The following ZMIZ1 variants were observed in gnomAD, a reference collection of about 807,000 sequenced individuals.
The protein encoded by ZMIZ1 is zinc finger MIZ domain-containing protein 1.
ZMIZ1 carries 17 observed loss-of-function variants against 113.9 expected under a neutral mutation model. That is an observed-to-expected ratio of 0.15 (90% CI 0.10 to 0.22). ZMIZ1 has a LOEUF of 0.22. ZMIZ1 is among the 10% of genes least tolerant of loss of function. ZMIZ1 has a pLI of 1.00. For synonymous variants in ZMIZ1, 607 were observed against 603.1 expected, an observed-to-expected ratio of 1.01 and a Z score of -0.09; for missense variants, 1,059 against 1,477.8, an observed-to-expected ratio of 0.72 and a Z score of 4.65.
chr10:79,260,167 C>T (rs1713752844), intron 7 of ZMIZ1, among the ~76,000 whole-genome samples: 1 of 152,238 alleles, frequency 6.6e-6, no homozygotes, highest in Non-Finnish European at 1.5e-5. Context: ...ACCTGCAGTG[C>T]CCTGCCTTCC....
At chr10:79,091,680 T>C (rs1842987000) in intron 1 of ZMIZ1, among the ~76,000 whole-genome samples, 1 of 151,988 alleles carries the variant, frequency 6.6e-6, no homozygotes, top group African/African-American at 2.4e-5. Context: ...TTCTGGGCGG[T>C]GGAACCGGCA....
chr10:79,277,727 G>GA (rs1852390224), intron 8 of ZMIZ1, among the ~76,000 whole-genome samples: 1 of 152,188 alleles, frequency 6.6e-6, no homozygotes, highest in Non-Finnish European at 1.5e-5. Flanking sequence ...AGCCACCCTG[G>GA]AGCCAAGTAA....
At chr10:79,198,456 G>A (rs1021825203) in intron 4 of ZMIZ1, among the ~76,000 whole-genome samples, 2 of 151,930 alleles carry the variant, frequency 1.3e-5, no homozygotes, top group African/African-American at 2.4e-5. Flanking sequence ...CAGGTATTTC[G>A]ATAGATAAAT....
chr10:79,103,290 A>T (rs1292847758), intron 1 of ZMIZ1, among the ~76,000 whole-genome samples: 7 of 150,512 alleles, frequency 4.7e-5, no homozygotes, highest in Non-Finnish European at 8.9e-5. Flanking sequence ...GGCCGTGGGG[A>T]TGCCTGGGGT....
chr10:79,240,318 A>T (rs1481472971), intron 7 of ZMIZ1, among the ~76,000 whole-genome samples: 5 of 152,148 alleles, frequency 3.3e-5, no homozygotes, highest in Admixed American at 3.3e-4. Flanking sequence ...TTTGCTGTAG[A>T]TCCTTATCAA....
At position 79,220,154 on chromosome 10, in the gene ZMIZ1, T is replaced by A. The variant is rs148015400; in HGVS notation, c.280+3880T>A. Among the ~76,000 whole-genome samples, 549 of 152,292 alleles carry A rather than the reference T, an allele frequency of 3.6e-3. 6 individuals are homozygous for A. The highest frequency in any genetic ancestry group is 0.012 in the African/African-American group (516 of 41,564). The stretch of plus-strand genomic sequence containing the variant: ...CTGTGGCCTCGTCTGTGAAGAGAGC[T>A]GATTTGCCCACCTCATGGGCTGCCT... On this transcript the variant is annotated intron_variant, in intron 7 of 24. Coordinates refer to ENST00000334512, the MANE Select transcript of ZMIZ1 (RefSeq NM_020338.4).
intron 23 of ZMIZ1, among the ~76,000 whole-genome samples, chr10:79,310,606 C>T (rs1227020254): frequency 5.3e-5 from 8 of 151,984 alleles, no homozygotes; most frequent in African/African-American, 1.7e-4. Flanking sequence ...GTTGTCTGGG[C>T]GGGGAGGTGG....
intron 7 of ZMIZ1, among the ~76,000 whole-genome samples, chr10:79,230,406 A>G (rs1849349027): frequency 6.6e-6 from 1 of 152,126 alleles, no homozygotes; most frequent in South Asian, 2.1e-4. Flanking sequence ...GCTGTTGTTT[A>G]GCTCTGCCCC....
chr10:79,249,311 C>G (rs1850401115), intron 7 of ZMIZ1, among the ~76,000 whole-genome samples: 1 of 152,226 alleles, frequency 6.6e-6, no homozygotes, highest in Admixed American at 6.5e-5. Flanking sequence ...TCCTGTCATC[C>G]CTTGCCCACC....
intron 1 of ZMIZ1, among the ~76,000 whole-genome samples, chr10:79,092,258 C>G (rs1843005830): frequency 6.6e-6 from 1 of 152,226 alleles, no homozygotes; most frequent in Admixed American, 6.5e-5. Flanking sequence ...CTGACATTGC[C>G]TGTTCTCATC....
intron 4 of ZMIZ1, among the ~76,000 whole-genome samples, chr10:79,171,782 G>C (rs542428505): frequency 6.6e-6 from 1 of 152,306 alleles, no homozygotes; most frequent in South Asian, 2.1e-4. Context: ...AAGAATTTCA[G>C]GTGGGGCTAG....
chr10:79,175,669 TG>T, intron 4 of ZMIZ1, among the ~76,000 whole-genome samples: 1 of 150,238 alleles, frequency 6.7e-6, no homozygotes, highest in Non-Finnish European at 1.5e-5. Flanking sequence ...TCCCTCCCCC[TG>T]GCCACCACAC....
chr10:79,152,963 C>G (rs945404128), intron 3 of ZMIZ1, among the ~76,000 whole-genome samples: 72 of 152,238 alleles, frequency 4.7e-4, no homozygotes, highest in Non-Finnish European at 9.8e-4. Context: ...GGGGGTCCAG[C>G]CTTTTAGGCC....
chr10:79,251,038 GGGACTTGT>G lies in ZMIZ1; in HGVS notation c.281-26140_281-26133del, dbSNP rs1360277084. 2.0e-5 allele frequency among the ~76,000 whole-genome samples: 3 copies of G among 152,164 alleles called. No individual in the cohort carries two copies. In the East Asian group the frequency reaches 5.8e-4, roughly 29 times the overall value. ...GGGCCAAAAGGGGAGGGGCTTGCTG[GGGACTTGT>G]GGCCATTGTAGAGATCGAGGAGGTG... On this transcript the variant is annotated intron_variant, in intron 7 of 24. Coordinates refer to ENST00000334512, the MANE Select transcript of ZMIZ1 (RefSeq NM_020338.4).
At chr10:79,202,189 G>GAAAAAAAAAAAAAAAAAAAAAA (rs58021590) in intron 5 of ZMIZ1, among the ~76,000 whole-genome samples, 1 of 52,634 alleles carries the variant, frequency 1.9e-5, no homozygotes, top group Non-Finnish European at 3.8e-5. Context: ...CCCTGTCTCA[G>GAAAAAAAAAAAAAAAAAAAAAA]AAAAAAAAAA....
chr10:79,301,694 C>T (rs1286846134), intron 17 of ZMIZ1, among the ~76,000 whole-genome samples: 1 of 152,168 alleles, frequency 6.6e-6, no homozygotes, highest in Non-Finnish European at 1.5e-5. Context: ...TGTGAGGCTG[C>T]ACAACTGTCA....
Position 79,208,430 on chromosome 10 carries a change from G to A in ZMIZ1, c.155G>A (p.Ser52Asn), listed in dbSNP as rs746903918. ...PRAFQRPFEQ[S>N]LMGCLTVVSR... ...GCCTTCCAGCGGCCCTTCGAGCAGA[G>A]CCTGATGGGCTGTTTGACGGTGAGT... Residue 52 changes from serine to asparagine, a missense_variant, in exon 6 of 25, where the codon AGC becomes AAC. Around this residue, in one of 6 missense-constraint regions of ZMIZ1, gnomAD observed 272 missense variants for 350.4 expected, o/e 0.78. Transcript: ENST00000334512. The A allele has an allele frequency of 3.1e-6, 5 of 1,613,636 alleles. No individual in the cohort carries two copies. The Admixed American group carries it at 8.3e-5, about 27-fold the overall frequency.
chr10:79,192,441 G>A (rs1043756890), intron 4 of ZMIZ1, among the ~76,000 whole-genome samples: 5 of 152,224 alleles, frequency 3.3e-5, no homozygotes, highest in African/African-American at 1.2e-4. Flanking sequence ...GGGTGTTCCC[G>A]TGAACAAGGA....
intron 4 of ZMIZ1, among the ~76,000 whole-genome samples, chr10:79,185,189 C>T (rs781542320): frequency 1.1e-4 from 17 of 152,290 alleles, no homozygotes; most frequent in South Asian, 4.1e-4. Context: ...CCAGGGAAAC[C>T]GGTGTGTTCC....
Sources: gnomAD v4.1 joint callset for allele counts (sites outside exome capture counted in the v4.1 genomes callset) on GRCh38, gnomAD v4.1.1 for gene constraint, gnomAD v4.1.1 regional missense constraint, MANE v1.5 for transcripts, NCBI Gene and HGNC (gene_info 2026-07-23, HGNC 2026-07-21) for gene names.